Variants in TMEM87A observed in about 807,000 individuals in gnomAD.
TMEM87A encodes the protein Golgi-pH regulating cation channel.
In TMEM87A, 50 loss-of-function variants were observed where a neutral mutation model predicts 90.0. The observed-to-expected ratio is 0.56, with a 90% confidence interval of 0.44 to 0.70. The LOEUF (loss-of-function observed/expected upper bound fraction) is 0.70, where lower values mean the gene tolerates loss of function less well. Ranked by LOEUF, TMEM87A falls within the 30% of genes least tolerant of loss-of-function variation. TMEM87A has a pLI of 0.00. For missense variants in TMEM87A, 577 were observed against 660.5 expected (o/e 0.87, Z 1.39); for synonymous variants, 226 against 226.7 (o/e 1.00, Z 0.03).
intron 8 of TMEM87A, 119 bp from the exon 9 acceptor site, chr15:42,237,734 C>A (rs190526052): frequency 3.6e-4 from 311 of 868,342 alleles, no homozygotes; most frequent in Non-Finnish European, 4.3e-4. Flanking sequence ...TGCTATGTTG[C>A]CTAGGATGGT....
At chr15:42,251,435 G>A (rs1425661941) in intron 6 of TMEM87A, among the ~76,000 whole-genome samples, 6 of 152,176 alleles carry the variant, frequency 3.9e-5, no homozygotes, top group Non-Finnish European at 5.9e-5. Flanking sequence ...TGGTGTGGAT[G>A]TCCTTTTTAT....
chr15:42,264,154 A>G lies in TMEM87A; in HGVS notation c.341T>C (p.Leu114Ser). 6.2e-7 allele frequency: 1 copy of G among 1,613,916 alleles called. No individual in the cohort carries two copies. Among genetic ancestry groups the G allele is most frequent in the South Asian group, 1.1e-5 (1 of 91,076 alleles). The change falls in exon 4 of 20, where the codon TTG becomes TCG. Residue 114 changes from leucine to serine, a missense_variant. By Grantham distance (145) the Leu-to-Ser change is moderately radical (BLOSUM62 -2). Coordinates refer to ENST00000389834, the MANE Select transcript of TMEM87A (RefSeq NM_015497.5). ...TGATGATGTTTGATATTTCCCAGAC[A>G]AGCCTCTTTTTTCCTTAAGTTTTTC... Reference protein sequence around the residue: ...YLEKLKEKRGLSGKYQTSSKL... With the variant: ...YLEKLKEKRGSSGKYQTSSKL...
At chr15:42,221,584 CA>C (rs2050486565) in intron 15 of TMEM87A, among the ~76,000 whole-genome samples, 1 of 151,878 alleles carries the variant, frequency 6.6e-6, no homozygotes, top group Admixed American at 6.6e-5. Context: ...TATTAAAAAA[CA>C]AAAGCTGGGT....
chr15:42,260,870 G>T, intron 6 of TMEM87A, 88 bp downstream of exon 6: 3 of 1,383,486 alleles, frequency 2.2e-6, no homozygotes, highest in Non-Finnish European at 3.0e-6. Context: ...TCAAATATTA[G>T]CATAGTATGG....
Position 42,228,809 on chromosome 15 carries a change from G to C in TMEM87A, c.1143C>G (p.Ser381Arg), listed in dbSNP as rs753773055. 3.1e-6 allele frequency: 5 copies of C among 1,587,936 alleles called. No individual in the cohort carries two copies. In the African/African-American group the frequency reaches 6.8e-5, roughly 22 times the overall value. The change falls in exon 13 of 20, where the codon AGC becomes AGG. Residue 381 changes from serine (S) to arginine (R), a missense_variant. Transcript: ENST00000389834. ...TTAATAGCTTCATTGTTTGAGTCAG[G>C]CTAATAAATATGTGTTTGCAGGTCA... is the stretch of plus-strand genomic sequence containing the variant. Reference protein sequence around the residue: ...DTALCWWIFISLTQTMKLLKL... With the variant: ...DTALCWWIFIRLTQTMKLLKL...
At chr15:42,269,273 T>C (rs900194019) in intron 2 of TMEM87A, among the ~76,000 whole-genome samples, 1 of 152,086 alleles carries the variant, frequency 6.6e-6, no homozygotes, top group African/African-American at 2.4e-5. Flanking sequence ...ATAATAAACA[T>C]GACAAAAATA....
In TMEM87A at chr15:42,211,701, C is replaced by T. The variant is rs779582304; in HGVS notation, c.*7G>A. ...TAGCCATCTTTAACTGCAAATCTTCCCATTCCTTACTCCATTTTGGACCTT... is the reference window on the plus strand; with the variant it reads ...TAGCCATCTTTAACTGCAAATCTTCTCATTCCTTACTCCATTTTGGACCTT... On this transcript the variant is annotated 3_prime_UTR_variant, in exon 20 of 20. Transcript: ENST00000389834. The T allele has an allele frequency of 2.7e-5, 43 of 1,613,080 alleles. No individual in the cohort carries two copies. Among genetic ancestry groups the T allele is most frequent in the Non-Finnish European group, 3.2e-5 (38 of 1,179,620 alleles).
In TMEM87A at chr15:42,236,320, T is replaced by C. The variant is rs760201689; in HGVS notation, c.968A>G (p.Lys323Arg). The change falls in exon 10 of 20, where the codon AAG (lysine) becomes AGG (arginine). Residue 323 changes from lysine (K) to arginine (R), a missense_variant and splice_region_variant. By Grantham distance (26) the Lys-to-Arg change is conservative. Coordinates refer to ENST00000389834, the MANE Select transcript of TMEM87A (RefSeq NM_015497.5). ...IIVSLGYGIV[K>R]PRLGVTLHKV... ...TTCCATACAGGAAGTTAATACTTAC[T>C]TGACGATGCCATATCCCAGACTGAC... The C allele has an allele frequency of 1.9e-5, 31 of 1,613,620 alleles. No individual in the cohort carries two copies. The highest frequency in any genetic ancestry group is 2.5e-5 in the Non-Finnish European group (30 of 1,179,650).
At chr15:42,263,156 C>T (rs1254769260) in intron 4 of TMEM87A, among the ~76,000 whole-genome samples, 1 of 152,124 alleles carries the variant, frequency 6.6e-6, no homozygotes, top group African/African-American at 2.4e-5. Context: ...TTTAAATGTC[C>T]ATCAACAGAT....
At chr15:42,237,771 T>A (rs1019177346) in intron 8 of TMEM87A, among the ~76,000 whole-genome samples, 156 bp from the exon 9 acceptor site, 3 of 151,486 alleles carry the variant, frequency 2.0e-5, no homozygotes, top group African/African-American at 7.3e-5. Context: ...CAAGCAATCC[T>A]CCCATCTCTG....
At chr15:42,212,970 T>C (rs866054203) in intron 19 of TMEM87A, among the ~76,000 whole-genome samples, 1 of 152,188 alleles carries the variant, frequency 6.6e-6, no homozygotes, top group African/African-American at 2.4e-5. Context: ...GACACACTGA[T>C]TCAATAACAC....
intron 7 of TMEM87A, among the ~76,000 whole-genome samples, chr15:42,243,165 G>A (rs1308338598): frequency 1.3e-5 from 2 of 152,004 alleles, no homozygotes; most frequent in Non-Finnish European, 2.9e-5. Flanking sequence ...CTACTTCGGA[G>A]ACTGAGGCAG....
intron 4 of TMEM87A, chr15:42,262,347 C>A (rs1171628289): frequency 1.3e-5 from 2 of 152,082 alleles, no homozygotes; most frequent in African/African-American, 2.4e-5. Context: ...AAGCTATTTT[C>A]TTTTCCCTCC....
At chr15:42,270,987 A>G in intron 2 of TMEM87A, among the ~76,000 whole-genome samples, 1 of 152,222 alleles carries the variant, frequency 6.6e-6, no homozygotes, top group East Asian at 1.9e-4. Context: ...TTATCCAACT[A>G]TGACTTAAAA....
At chr15:42,244,508 G>A (rs2050935310) in intron 6 of TMEM87A, among the ~76,000 whole-genome samples, 1 of 151,210 alleles carries the variant, frequency 6.6e-6, no homozygotes, top group African/African-American at 2.4e-5. Flanking sequence ...ACATTACAAA[G>A]GAATTTAAAT....
At chr15:42,223,641 G>GAC (rs1435488650) in intron 15 of TMEM87A, among the ~76,000 whole-genome samples, 1 of 152,118 alleles carries the variant, frequency 6.6e-6, no homozygotes, top group African/African-American at 2.4e-5. Flanking sequence ...CCAGTAAGAA[G>GAC]GCCCTCACCA....
chr15:42,252,272 C>G (rs1024460438), intron 6 of TMEM87A, among the ~76,000 whole-genome samples: 3 of 152,178 alleles, frequency 2.0e-5, no homozygotes, highest in African/African-American at 7.2e-5. Flanking sequence ...CAACCATTCC[C>G]AGTGAGATGA....
rs745765976 is a variant in TMEM87A, at chr15:42,267,915, C to G, written c.291+32G>C. ...ACTGGAACCAGATAATCACTAAGGT[C>G]CAAAAAAACTCTGTAATTTTATGTT... On this transcript the variant is annotated intron_variant, in intron 3 of 19. Transcript: ENST00000389834. 3.2e-5 allele frequency: 50 copies of G among 1,557,914 alleles called. 1 individual carries two copies. Among genetic ancestry groups the G allele is most frequent in the Non-Finnish European group, 4.2e-5 (48 of 1,135,252 alleles).
chr15:42,270,294 C>G (rs554769535), intron 2 of TMEM87A, among the ~76,000 whole-genome samples: 9 of 151,364 alleles, frequency 5.9e-5, no homozygotes, highest in African/African-American at 1.9e-4. Flanking sequence ...CGCTTGAACC[C>G]AGGAAGCAGA....
Sources: allele counts gnomAD v4.1 joint callset (sites outside exome capture counted in the v4.1 genomes callset), GRCh38; gene constraint gnomAD v4.1.1; transcripts MANE v1.5; gene names NCBI Gene and HGNC (gene_info 2026-07-23, HGNC 2026-07-21).